Variants in SGCZ observed in about 807,000 individuals in gnomAD.
The protein encoded by SGCZ is zeta-sarcoglycan.
Under a neutral mutation model 41.3 loss-of-function variants are expected in SGCZ, and 40 were observed. That is an observed-to-expected ratio of 0.97 (90% CI 0.75 to 1.26). SGCZ has a LOEUF of 1.26. Among genes scored for constraint, SGCZ ranks in the 50% most tolerant of loss-of-function variants. The pLI, the probability that SGCZ is intolerant of heterozygous loss-of-function variation, is 0.00. For missense variants in SGCZ, 552 were observed against 369.8 expected (o/e 1.49, Z -4.04); for synonymous variants, 206 against 137.5 (o/e 1.50, Z -3.49).
intron 5 of SGCZ, among the ~76,000 whole-genome samples, chr8:14,132,457 C>A (rs1440659042): frequency 6.6e-6 from 1 of 152,196 alleles, no homozygotes; most frequent in African/African-American, 2.4e-5. Context: ...GTACCTAAGA[C>A]AACCACCATT....
At chr8:14,903,000 T>C (rs958847361) in intron 1 of SGCZ, among the ~76,000 whole-genome samples, 3 of 152,164 alleles carry the variant, frequency 2.0e-5, no homozygotes, top group Admixed American at 2.0e-4. Context: ...TAAAGTATCA[T>C]CCCTCTTAAA....
chr8:14,342,900 C>G (rs984493783), intron 2 of SGCZ, among the ~76,000 whole-genome samples: 4 of 152,144 alleles, frequency 2.6e-5, no homozygotes, highest in Non-Finnish European at 5.9e-5. Flanking sequence ...GGCCTGGAGG[C>G]CCAGGAGGAA....
At chr8:14,261,072 A>G (rs1248384295) in intron 3 of SGCZ, among the ~76,000 whole-genome samples, 1 of 151,578 alleles carries the variant, frequency 6.6e-6, no homozygotes, top group Non-Finnish European at 1.5e-5. Context: ...CAATGTGCAC[A>G]TGTACCCTAA....
At chr8:14,770,578 T>A (rs1243558629) in intron 1 of SGCZ, among the ~76,000 whole-genome samples, 1 of 152,046 alleles carries the variant, frequency 6.6e-6, no homozygotes, top group Non-Finnish European at 1.5e-5. Context: ...AGTATACATA[T>A]ATGGTGTTTT....
At chr8:14,423,163 G>T (rs377319916) in intron 2 of SGCZ, among the ~76,000 whole-genome samples, 3 of 151,914 alleles carry the variant, frequency 2.0e-5, no homozygotes, top group Non-Finnish European at 4.4e-5. Context: ...GGACTGTTGT[G>T]GGGTGGGCGG....
intron 2 of SGCZ, among the ~76,000 whole-genome samples, chr8:14,544,923 G>T (rs1803578194): frequency 6.6e-6 from 1 of 151,896 alleles, no homozygotes; most frequent in African/African-American, 2.4e-5. Flanking sequence ...TCTGCTTTTT[G>T]CCCTTTGAAG....
rs1179431604 is a variant in SGCZ, at chr8:15,014,867, C to G, written c.39+222718G>C. ...AGTTAAATACTGCTGCAGATCTACT[C>G]TCTTTAGGCAAAAATAAGCTGGCCC... On this transcript the variant is annotated intron_variant, in intron 1 of 7. Transcript: ENST00000382080. Among the ~76,000 whole-genome samples, 7 of 152,208 alleles carry G rather than the reference C, an allele frequency of 4.6e-5. No individual in the cohort carries two copies. The East Asian group carries it at 1.4e-3, about 29-fold the overall frequency.
chr8:14,384,736 A>T (rs1401189322), intron 2 of SGCZ, among the ~76,000 whole-genome samples: 1 of 152,068 alleles, frequency 6.6e-6, no homozygotes, highest in African/African-American at 2.4e-5. Flanking sequence ...ATTTTTGTAG[A>T]GACGAGGTTT....
chr8:14,356,342 GGT>G (rs1361367164), intron 2 of SGCZ, among the ~76,000 whole-genome samples: 3 of 152,082 alleles, frequency 2.0e-5, no homozygotes, highest in Non-Finnish European at 4.4e-5. Context: ...ACAAGCTGCT[GGT>G]GTTTATCAAT....
intron 2 of SGCZ, among the ~76,000 whole-genome samples, chr8:14,434,662 T>A (rs1214763132): frequency 2.6e-5 from 4 of 152,168 alleles, no homozygotes; most frequent in African/African-American, 9.7e-5. Context: ...TTTTGTAGTA[T>A]TCCTTGTAGG....
chr8:14,550,946 A>G (rs532902888), intron 2 of SGCZ, among the ~76,000 whole-genome samples: 22 of 152,076 alleles, frequency 1.4e-4, no homozygotes, highest in African/African-American at 5.1e-4. Flanking sequence ...TTTTTCTTTC[A>G]GCCAACTTTC....
intron 1 of SGCZ, among the ~76,000 whole-genome samples, chr8:14,601,609 T>C (rs1223566854): frequency 6.6e-6 from 1 of 152,194 alleles, no homozygotes; most frequent in Non-Finnish European, 1.5e-5. Context: ...TAGTTGGTAT[T>C]TGATTGTTTA....
chr8:14,723,670 CTA>C (rs376981857), intron 1 of SGCZ, among the ~76,000 whole-genome samples: 7 of 150,760 alleles, frequency 4.6e-5, no homozygotes, highest in African/African-American at 7.3e-5. Flanking sequence ...ATATATTTAT[CTA>C]TATATATATA....
chr8:14,762,072 C>T (rs923859318), intron 1 of SGCZ, among the ~76,000 whole-genome samples: 1 of 152,156 alleles, frequency 6.6e-6, no homozygotes, highest in African/African-American at 2.4e-5. Context: ...ACAGATGCCA[C>T]ATTGACATGG....
At chr8:14,117,240 A>G (rs1451222818) in intron 5 of SGCZ, among the ~76,000 whole-genome samples, 5 of 152,136 alleles carry the variant, frequency 3.3e-5, no homozygotes, top group Non-Finnish European at 5.9e-5. Context: ...GAGGTAAAAT[A>G]CACAACTTTT....
chr8:14,905,192 T>A (rs183012879), intron 1 of SGCZ, among the ~76,000 whole-genome samples: 2 of 152,176 alleles, frequency 1.3e-5, no homozygotes, highest in African/African-American at 4.8e-5. Context: ...AAGATTTTAC[T>A]ATCTAAAATA....
intron 1 of SGCZ, among the ~76,000 whole-genome samples, chr8:14,863,608 C>A (rs1195316077): frequency 6.6e-6 from 1 of 152,078 alleles, no homozygotes; most frequent in Non-Finnish European, 1.5e-5. Flanking sequence ...CTTTAAGGAT[C>A]GAGGTCAGGG....
chr8:14,270,065 T>C (rs1325271820), intron 3 of SGCZ, among the ~76,000 whole-genome samples: 6 of 152,066 alleles, frequency 3.9e-5, no homozygotes, highest in Non-Finnish European at 2.9e-5. Flanking sequence ...GGTGTGGTGG[T>C]TCACGCCTAT....
chr8:14,743,152 T>A, intron 1 of SGCZ, among the ~76,000 whole-genome samples: 1 of 152,120 alleles, frequency 6.6e-6, no homozygotes, highest in Non-Finnish European at 1.5e-5. Flanking sequence ...ATTATTAATA[T>A]GTTAGTGAAT....
Sources: gnomAD v4.1 joint callset for allele counts (sites outside exome capture counted in the v4.1 genomes callset) on GRCh38, gnomAD v4.1.1 for gene constraint, MANE v1.5 for transcripts, NCBI Gene and HGNC (gene_info 2026-07-23, HGNC 2026-07-21) for gene names.